RAB3IL1: variants seen among roughly 807,000 people sequenced by gnomAD.
The protein encoded by RAB3IL1 is guanine nucleotide exchange factor for Rab-3A.
A neutral mutation model predicts 49.2 loss-of-function variants in RAB3IL1; 37 were observed. The observed-to-expected ratio is 0.75, with a 90% confidence interval of 0.58 to 0.99. The LOEUF (loss-of-function observed/expected upper bound fraction) is 0.99, where lower values mean the gene tolerates loss of function less well. Ranked by LOEUF, RAB3IL1 falls within the 50% of genes least tolerant of loss-of-function variation. The pLI is 0.00. For missense variants in RAB3IL1, 484 were observed against 513.0 expected, an observed-to-expected ratio of 0.94 and a Z score of 0.55; for synonymous variants, 193 against 213.9, an observed-to-expected ratio of 0.90 and a Z score of 0.85.
chr11:61,924,521 G>A (rs565845027), upstream of RAB3IL1, among the ~76,000 whole-genome samples: 103 of 151,920 alleles, frequency 6.8e-4, no homozygotes, highest in Middle Eastern at 0.01. Flanking sequence ...CTCCACCACA[G>A]CTGCCCAGGC....
intron 1 of RAB3IL1, among the ~76,000 whole-genome samples, chr11:61,913,200 A>G (rs1939534958): frequency 6.6e-6 from 1 of 152,148 alleles, no homozygotes; most frequent in Non-Finnish European, 1.5e-5. Context: ...TGAGAGCCAG[A>G]AAGGACGAGA....
Position 61,907,608 on chromosome 11 carries a change from T to A in RAB3IL1, c.317A>T (p.Gln106Leu). The A allele has an allele frequency of 6.2e-7, 1 of 1,614,126 alleles. No homozygotes were observed. Among genetic ancestry groups the A allele is most frequent in the Non-Finnish European group, 8.5e-7 (1 of 1,180,014 alleles). ...CAGCTCTTCCAGCTCCTGTTCTAGCTGCTCCCGCACCTTGGACAGCCGCTC... is the reference window on the plus strand; with the variant it reads ...CAGCTCTTCCAGCTCCTGTTCTAGCAGCTCCCGCACCTTGGACAGCCGCTC... Reference protein sequence around the residue: ...ECERLSKVREQLEQELEELTA... With the variant: ...ECERLSKVRELLEQELEELTA... The change falls in exon 3 of 10, where the codon CAG (glutamine) becomes CTG (leucine). Residue 106 changes from glutamine to leucine, a missense_variant. Transcript: ENST00000394836.
At chr11:61,923,448 C>T (rs1939948099), upstream of RAB3IL1, among the ~76,000 whole-genome samples, 1 of 152,204 alleles carries the variant, frequency 6.6e-6, no homozygotes, top group South Asian at 2.1e-4. Context: ...CTCACAAGGC[C>T]ACCATCCGCC....
chr11:61,905,533 C>T (rs537169022), intron 5 of RAB3IL1, among the ~76,000 whole-genome samples: 2 of 152,138 alleles, frequency 1.3e-5, no homozygotes, highest in Non-Finnish European at 2.9e-5. Flanking sequence ...GGGGCCAGCC[C>T]GGGCTGGGCC....
intron 1 of RAB3IL1, among the ~76,000 whole-genome samples, chr11:61,916,459 C>T (rs1457665309): frequency 1.3e-5 from 2 of 151,930 alleles, no homozygotes; most frequent in Admixed American, 1.3e-4. Flanking sequence ...CGCAGCTCAA[C>T]CTTTGCTAGG....
intron 3 of RAB3IL1, 47 bp from the exon 4 acceptor site, chr11:61,907,517 G>A (rs371697133): frequency 1.5e-5 from 24 of 1,613,400 alleles, no homozygotes; most frequent in African/African-American, 1.1e-4. Flanking sequence ...GCCAACGGAC[G>A]CCCAGATGAC....
intron 8 of RAB3IL1, among the ~76,000 whole-genome samples, chr11:61,901,128 G>T (rs898537926): frequency 3.3e-5 from 5 of 152,200 alleles, no homozygotes; most frequent in African/African-American, 9.7e-5. Context: ...ATAGTCTGCT[G>T]CCAGCAAAGG....
chr11:61,920,385 T>A, upstream of RAB3IL1: 9 of 684,908 alleles, frequency 1.3e-5, no homozygotes, highest in Non-Finnish European at 1.8e-5. Context: ...CTCCTGTGGC[T>A]CCTCAGGCAG....
chr11:61,902,553 CA>C lies in RAB3IL1; in HGVS notation c.900-13del. On this transcript the variant is annotated splice_polypyrimidine_tract_variant and intron_variant, in intron 7 of 9. Transcript: ENST00000394836. ...TCAGGGCACATGTGCTAGGGGAAAG[CA>C]AAATGGGTCACGGGGGCTGGCTGGG... The C allele has an allele frequency of 6.3e-7, 1 of 1,588,214 alleles. No individual in the cohort carries two copies.
the RAB3IL1 span, among the ~76,000 whole-genome samples, chr11:61,925,567 G>A: frequency 2.6e-5 from 4 of 152,022 alleles, no homozygotes; most frequent in African/African-American, 9.7e-5. Context: ...CCCGGGAGGT[G>A]GAGGCTGCAG....
At chr11:61,905,548 GGACAGACAGACA>G (rs879881608) in intron 5 of RAB3IL1, among the ~76,000 whole-genome samples, 3 of 152,038 alleles carry the variant, frequency 2.0e-5, no homozygotes, top group African/African-American at 7.2e-5. Flanking sequence ...TGGGCCGGAT[GGACAGACAGACA>G]GACAGACAGA....
intron 8 of RAB3IL1, 182 bp from the exon 9 acceptor site, chr11:61,899,562 T>C (rs1254525216): frequency 1.7e-5 from 10 of 587,110 alleles, no homozygotes; most frequent in Non-Finnish European, 3.0e-5. Context: ...CCTGCTGTAA[T>C]AGCAGCAGCA....
chr11:61,909,915 TG>T (rs2136049773), intron 1 of RAB3IL1, among the ~76,000 whole-genome samples: 1 of 152,338 alleles, frequency 6.6e-6, no homozygotes, highest in South Asian at 2.1e-4. Context: ...GAGACCAGCC[TG>T]GTCAACATGG....
the RAB3IL1 span, among the ~76,000 whole-genome samples, chr11:61,946,180 G>T: frequency 7.2e-5 from 11 of 152,058 alleles, no homozygotes; most frequent in Non-Finnish European, 1.6e-4. Flanking sequence ...CAAGAGAGGG[G>T]TGTGGGCTGG....
At position 61,906,198 on chromosome 11, in the gene RAB3IL1, A is replaced by G. The variant is rs1045148180; in HGVS notation, c.657+268T>C. ...CAGGGCCAAAGCCAGCCTCAGGTGCAGAGACCACTACCTACTGCTTGGAGT... is the reference window on the plus strand; with the variant it reads ...CAGGGCCAAAGCCAGCCTCAGGTGCGGAGACCACTACCTACTGCTTGGAGT... On this transcript the variant is annotated intron_variant, in intron 5 of 9. Transcript: ENST00000394836. This position sits in a 1 kb window ranked among gnomAD's most constrained non-coding sequence, Gnocchi z 4.6. 5.9e-5 allele frequency among the ~76,000 whole-genome samples: 9 copies of G among 152,114 alleles called. No individual in the cohort carries two copies. Among genetic ancestry groups the G allele is most frequent in the African/African-American group, 2.2e-4 (9 of 41,416 alleles).
chr11:61,900,516 GCAGGGACACCGCTGCA>G (rs1555085981), intron 8 of RAB3IL1, among the ~76,000 whole-genome samples: 1 of 152,152 alleles, frequency 6.6e-6, no homozygotes, highest in Non-Finnish European at 1.5e-5. Flanking sequence ...GCCCGTCGTG[GCAGGGACACCGCTGCA>G]CAGGGAGGGT....
intron 7 of RAB3IL1, among the ~76,000 whole-genome samples, chr11:61,902,964 A>G (rs1003286767): frequency 1.3e-5 from 2 of 151,866 alleles, no homozygotes; most frequent in African/African-American, 4.8e-5. Context: ...TGCTTCATCC[A>G]TGCAGGCCTT....
At chr11:61,935,602 C>G in the RAB3IL1 span, among the ~76,000 whole-genome samples, 2 of 151,982 alleles carry the variant, frequency 1.3e-5, no homozygotes, top group Non-Finnish European at 2.9e-5. Context: ...GCAACCCCCA[C>G]CTCCCAGGTT....
intron 1 of RAB3IL1, among the ~76,000 whole-genome samples, chr11:61,915,416 C>A (rs1018009413): frequency 1.3e-5 from 2 of 152,132 alleles, no homozygotes; most frequent in African/African-American, 4.8e-5. Context: ...CTGGGTGCCT[C>A]CAGGGAAGGA....
Sources: gnomAD v4.1 joint callset for allele counts (sites outside exome capture counted in the v4.1 genomes callset) on GRCh38, gnomAD v4.1.1 for gene constraint, Gnocchi (gnomAD v3.1) non-coding constraint, MANE v1.5 for transcripts, NCBI Gene and HGNC (gene_info 2026-07-23, HGNC 2026-07-21) for gene names.